The following PLCB1 variants were observed in gnomAD, a reference collection of about 807,000 sequenced individuals.
PLCB1 encodes the protein phospholipase C beta 1.
A neutral mutation model predicts 161.8 loss-of-function variants in PLCB1; 46 were observed. The ratio of observed to expected loss-of-function variants is 0.28; its 90% CI spans 0.22 to 0.36. The LOEUF is 0.36. PLCB1 is among the 10% of genes least tolerant of loss of function. PLCB1 has a pLI of 1.00. For missense variants in PLCB1, 1,016 were observed against 1,472.5 expected, an observed-to-expected ratio of 0.69 and a Z score of 5.07; for synonymous variants, 517 against 503.7, an observed-to-expected ratio of 1.03 and a Z score of -0.35.
At chr20:8,462,602 A>C (rs1981629105) in intron 3 of PLCB1, among the ~76,000 whole-genome samples, 1 of 152,202 alleles carries the variant, frequency 6.6e-6, no homozygotes, top group Non-Finnish European at 1.5e-5. Context: ...TGCATTGATC[A>C]GTGTTTTCAC....
chr20:8,583,708 G>A (rs966920121), intron 3 of PLCB1, among the ~76,000 whole-genome samples: 5 of 152,178 alleles, frequency 3.3e-5, no homozygotes, highest in Non-Finnish European at 7.3e-5. Flanking sequence ...TTCAAGGAGA[G>A]TTTTCAATTT....
At chr20:8,376,927 C>CAA (rs113346186) in intron 3 of PLCB1, among the ~76,000 whole-genome samples, 5 of 134,114 alleles carry the variant, frequency 3.7e-5, no homozygotes, top group African/African-American at 1.1e-4. Flanking sequence ...GACTCCATCT[C>CAA]AAAAAAAAAA....
chr20:8,204,890 C>T (rs1298138718), intron 2 of PLCB1, among the ~76,000 whole-genome samples: 1 of 151,954 alleles, frequency 6.6e-6, no homozygotes, highest in African/African-American at 2.4e-5. Context: ...AATAGGGTTC[C>T]CTTTCATCAT....
chr20:8,835,383 G>A (rs6039298), intron 31 of PLCB1, among the ~76,000 whole-genome samples: 123,391 of 152,128 alleles, frequency 0.81, 50,172 homozygotes, highest in Admixed American at 0.85. Flanking sequence ...GGTCTCCACC[G>A]TTGTCACATT....
chr20:8,164,703 T>C (rs1315374206), intron 2 of PLCB1, among the ~76,000 whole-genome samples: 1 of 152,204 alleles, frequency 6.6e-6, no homozygotes, highest in Admixed American at 6.5e-5. Context: ...GACTCACTTT[T>C]GTTATCTTGT....
chr20:8,816,247 C>T (rs955603175), intron 31 of PLCB1, among the ~76,000 whole-genome samples: 2 of 152,138 alleles, frequency 1.3e-5, no homozygotes, highest in Non-Finnish European at 2.9e-5. Context: ...GAAACATTTT[C>T]ACAACTGAAG....
chr20:8,679,240 C>T (rs1990158287), intron 9 of PLCB1, among the ~76,000 whole-genome samples: 1 of 152,208 alleles, frequency 6.6e-6, no homozygotes, highest in African/African-American at 2.4e-5. Flanking sequence ...AGAGAGTCAA[C>T]CCAGAATGTC....
At chr20:8,657,049 G>A in intron 7 of PLCB1, 135 bp from the exon 8 acceptor site, 1 of 619,066 alleles carries the variant, frequency 1.6e-6, no homozygotes, top group Non-Finnish European at 2.9e-6. Flanking sequence ...GAAAAAGAAA[G>A]GAAAGAGAGA....
chr20:8,718,079 G>A (rs1979428366), intron 14 of PLCB1, among the ~76,000 whole-genome samples: 1 of 148,032 alleles, frequency 6.8e-6, no homozygotes, highest in African/African-American at 2.5e-5. Context: ...AATTATCTGG[G>A]CATAGTGGCA....
Position 8,472,832 on chromosome 20 carries a change from G to C in PLCB1, c.246+101382G>C, listed in dbSNP as rs143731430. On this transcript the variant is annotated intron_variant, in intron 3 of 31. Coordinates refer to ENST00000338037, the MANE Select transcript of PLCB1 (RefSeq NM_015192.4). ...ACCACAGTTCTTCCTGGGGCTAGTT[G>C]CTATGAAAGATAAACCCCCACATCT... Among the ~76,000 whole-genome samples the C allele has an allele frequency of 8.0e-3, 1,222 of 152,258 alleles. 21 individuals carry two copies. The highest frequency in any genetic ancestry group is 0.027 in the African/African-American group (1,138 of 41,546).
rs1359683066 is a variant in PLCB1 at position 8,824,513 on chromosome 20, G to A, written c.3423+34252G>A. 2.6e-5 allele frequency among the ~76,000 whole-genome samples: 4 copies of A among 152,270 alleles called. 1 individual carries two copies. In the East Asian group the frequency reaches 7.7e-4, roughly 29 times the overall value. On this transcript the variant is annotated intron_variant, in intron 31 of 31. Transcript: ENST00000338037. ...ATTCAGGAGAACTCAGGAATGGCAG[G>A]AAGTGGATGAGAAAGAGTGTGTGAT...
At chr20:8,848,702 G>A (rs1986780441) in intron 31 of PLCB1, among the ~76,000 whole-genome samples, 1 of 152,180 alleles carries the variant, frequency 6.6e-6, no homozygotes, top group African/African-American at 2.4e-5. Context: ...GAGGGCTGGG[G>A]GGCCATGAGG....
chr20:8,444,388 T>G (rs1272146743), intron 3 of PLCB1, among the ~76,000 whole-genome samples: 12 of 152,236 alleles, frequency 7.9e-5, no homozygotes, highest in Admixed American at 7.9e-4. Context: ...TCATCCTTTT[T>G]TATGGCTGCA....
At chr20:8,331,789 C>A (rs1362965848) in intron 2 of PLCB1, among the ~76,000 whole-genome samples, 3 of 152,176 alleles carry the variant, frequency 2.0e-5, no homozygotes, top group African/African-American at 7.2e-5. Context: ...TATGGAAGAA[C>A]TTGACACCTT....
intron 3 of PLCB1, among the ~76,000 whole-genome samples, chr20:8,416,279 C>A (rs1338621196): frequency 6.6e-6 from 1 of 151,998 alleles, no homozygotes; most frequent in Non-Finnish European, 1.5e-5. Context: ...TTATCTGAAG[C>A]GTGATGTAAA....
chr20:8,679,417 G>A (rs1033350094), intron 9 of PLCB1, among the ~76,000 whole-genome samples: 1 of 152,182 alleles, frequency 6.6e-6, no homozygotes. Flanking sequence ...AAGGCCAATG[G>A]GATGGCCCTG....
chr20:8,281,649 A>G lies in PLCB1; in HGVS notation c.178-89733A>G, dbSNP rs146904841. On this transcript the variant is annotated intron_variant, in intron 2 of 31. Transcript: ENST00000338037. ...TAGAACTTGCATGAAGATGTTTTCTAGTGTTATTTTCTTGGTATGGTTGCA... is the reference window on the plus strand; with the variant it reads ...TAGAACTTGCATGAAGATGTTTTCTGGTGTTATTTTCTTGGTATGGTTGCA... Among the ~76,000 whole-genome samples the G allele has an allele frequency of 2.8e-3, 424 of 152,270 alleles. 2 individuals are homozygous for G. The highest frequency in any genetic ancestry group is 9.9e-3 in the African/African-American group (410 of 41,566).
intron 4 of PLCB1, among the ~76,000 whole-genome samples, chr20:8,629,795 TTTC>T: frequency 1.3e-5 from 1 of 74,778 alleles, no homozygotes; most frequent in South Asian, 6.6e-4. Flanking sequence ...CCTTCCTTTC[TTTC>T]TTTTCTTTCT....
At chr20:8,190,330 C>G (rs1402762468) in intron 2 of PLCB1, among the ~76,000 whole-genome samples, 1 of 151,984 alleles carries the variant, frequency 6.6e-6, no homozygotes, top group Non-Finnish European at 1.5e-5. Flanking sequence ...TTTGTACTTG[C>G]TATTGAAAGT....
Sources: gnomAD v4.1 joint callset for allele counts (sites outside exome capture counted in the v4.1 genomes callset) on GRCh38, gnomAD v4.1.1 for gene constraint, MANE v1.5 for transcripts, NCBI Gene and HGNC (gene_info 2026-07-23, HGNC 2026-07-21) for gene names.